The following C2CD5 variants were observed in gnomAD, a reference collection of about 807,000 sequenced individuals.
C2CD5 encodes the protein C2 calcium dependent domain containing 5.
In C2CD5, 109 loss-of-function variants were observed where a neutral mutation model predicts 130.3. The observed-to-expected ratio is 0.84, with a 90% CI of 0.72 to 0.98. The LOEUF (loss-of-function observed/expected upper bound fraction) is 0.98. Among genes scored for constraint, C2CD5 ranks in the 50% least tolerant of loss-of-function variants. The pLI is 0.00. For missense variants in C2CD5, 996 were observed against 1,261.8 expected (o/e 0.79, Z 3.19); for synonymous variants, 454 against 429.2 (o/e 1.06, Z -0.71).
At chr12:22,507,181 T>C (rs1423845542) in intron 9 of C2CD5, among the ~76,000 whole-genome samples, 15 of 144,204 alleles carry the variant, frequency 1.0e-4, no homozygotes, top group Admixed American at 4.6e-4. Flanking sequence ...TTCCCCTTTA[T>C]CTATCAGTGG....
intron 15 of C2CD5, 151 bp downstream of exon 15, chr12:22,478,162 A>G: frequency 1.5e-6 from 1 of 651,074 alleles, no homozygotes; most frequent in Non-Finnish European, 2.7e-6. Context: ...AAAAGGAGAC[A>G]GTTGAGCAAA....
At chr12:22,542,136 C>G (rs192280734) in intron 2 of C2CD5, among the ~76,000 whole-genome samples, 2 of 152,350 alleles carry the variant, frequency 1.3e-5, no homozygotes, top group East Asian at 3.9e-4. Flanking sequence ...CTTAACTGAT[C>G]TCCCTGCCAC....
chr12:22,474,711 C>T lies in C2CD5; in HGVS notation c.2043+40G>A, dbSNP rs958177277. On this transcript the variant is annotated intron_variant, in intron 16 of 26. Transcript: ENST00000446597. Reference sequence around the variant, plus strand: ...GCACGTGAAAAAATGTGTATCTTAGCTTCCAAAACCTTTAAGAAATTAGTC... The same window carrying T: ...GCACGTGAAAAAATGTGTATCTTAGTTTCCAAAACCTTTAAGAAATTAGTC... 3.3e-6 allele frequency: 5 copies of T among 1,496,818 alleles called. No individual in the cohort carries two copies. The African/African-American group carries it at 4.2e-5, about 13-fold the overall frequency. 92.7% of individuals were successfully genotyped at this position (1,496,818 alleles called of 1,614,324 possible). A position where few individuals can be genotyped will look rare whatever the true frequency, so the allele number is the denominator to read the frequency against.
In C2CD5 at chr12:22,507,250, C is replaced by A. The variant is rs79920455; in HGVS notation, c.1039-431G>T. On this transcript the variant is annotated intron_variant, in intron 9 of 26. Coordinates refer to ENST00000446597, the MANE Select transcript of C2CD5 (RefSeq NM_001286176.2). ...AAGACACTGGTAAAGACTCTAAAAA[C>A]CTGGGGCCAAGGGATCTAAATGAAA... 8.9e-3 allele frequency among the ~76,000 whole-genome samples: 1,356 copies of A among 152,180 alleles called. 14 individuals carry two copies. The highest frequency in any genetic ancestry group is 0.035 in the East Asian group (182 of 5,168).
chr12:22,466,305 A>G (rs1303260222), intron 22 of C2CD5, among the ~76,000 whole-genome samples: 1 of 120,954 alleles, frequency 8.3e-6, no homozygotes, highest in African/African-American at 5.5e-5. Context: ...TACTGAAAGT[A>G]AAAAAAAAAA....
chr12:22,534,767 G>A (rs1951665687), intron 3 of C2CD5: 1 of 153,594 alleles, frequency 6.5e-6, no homozygotes, highest in Non-Finnish European at 1.4e-5. Flanking sequence ...CAGAGTCTAG[G>A]GAGAGGAGGG....
rs996090197 is a variant in C2CD5 at position 22,527,317 on chromosome 12, C to CATAT, written c.349+400_349+403dup. ...GCATCATCTTAAGATATATTATATA[C>CATAT]ATATATATATATATTTTTTTTTTTT... is the stretch of plus-strand genomic sequence containing the variant. On this transcript the variant is annotated intron_variant, in intron 4 of 26. Coordinates refer to ENST00000446597, the MANE Select transcript of C2CD5 (RefSeq NM_001286176.2). 4.0e-3 allele frequency among the ~76,000 whole-genome samples: 523 copies of CATAT among 131,690 alleles called. 10 individuals are homozygous for CATAT. Among genetic ancestry groups the CATAT allele is most frequent in the African/African-American group, 0.015 (483 of 33,148 alleles). The allele number at this position is 131,690 out of a possible 152,430, so 86.4% of individuals were successfully genotyped here.
chr12:22,489,534 G>C (rs528178403), intron 12 of C2CD5, among the ~76,000 whole-genome samples: 1 of 151,940 alleles, frequency 6.6e-6, no homozygotes, highest in Non-Finnish European at 1.5e-5. Context: ...AAATAATCTA[G>C]AGATTATTTA....
intron 10 of C2CD5, among the ~76,000 whole-genome samples, chr12:22,499,883 C>T (rs950330533): frequency 6.6e-6 from 1 of 152,138 alleles, no homozygotes; most frequent in Non-Finnish European, 1.5e-5. Flanking sequence ...TCCCTTCTTC[C>T]TGCTCTATAA....
At chr12:22,510,977 T>C (rs772777226) in intron 9 of C2CD5, among the ~76,000 whole-genome samples, 1 of 152,056 alleles carries the variant, frequency 6.6e-6, no homozygotes, top group Non-Finnish European at 1.5e-5. Context: ...AATTAATTAA[T>C]TAAATATCTA....
At chr12:22,523,816 T>C (rs1194078707) in intron 6 of C2CD5, among the ~76,000 whole-genome samples, 192 bp from the exon 7 acceptor site, 1 of 151,208 alleles carries the variant, frequency 6.6e-6, no homozygotes. Flanking sequence ...CAATATAGCA[T>C]AATTATAAAA....
At chr12:22,463,783 T>A (rs1053128029) in intron 22 of C2CD5, 4 of 152,178 alleles carry the variant, frequency 2.6e-5, no homozygotes, top group African/African-American at 9.7e-5. Context: ...TTTGAGAAAA[T>A]CTTATCTGAA....
intron 20 of C2CD5, among the ~76,000 whole-genome samples, chr12:22,471,163 T>C (rs1232342469): frequency 1.3e-5 from 2 of 152,024 alleles, no homozygotes; most frequent in Non-Finnish European, 2.9e-5. Context: ...AAATCCCACA[T>C]GATGGGTACA....
chr12:22,506,182 T>C (rs575168685), intron 10 of C2CD5, among the ~76,000 whole-genome samples: 37 of 152,274 alleles, frequency 2.4e-4, no homozygotes, highest in African/African-American at 8.4e-4. Flanking sequence ...AGTGTTTACA[T>C]AGGTCTTGTT....
intron 2 of C2CD5, among the ~76,000 whole-genome samples, chr12:22,536,126 T>C (rs552718442): frequency 1.3e-4 from 20 of 149,688 alleles, no homozygotes; most frequent in African/African-American, 4.8e-4. Context: ...ACTGCAGATA[T>C]ATGGCATTCT....
chr12:22,458,771 C>G (rs1940496746), intron 23 of C2CD5, 186 bp from the exon 24 acceptor site: 1 of 346,496 alleles, frequency 2.9e-6, no homozygotes, highest in African/African-American at 2.1e-5. Context: ...TGTCCAAAAC[C>G]AAGTTCTCAG....
chr12:22,514,221 A>T (rs1373059249), intron 8 of C2CD5, among the ~76,000 whole-genome samples: 2 of 152,074 alleles, frequency 1.3e-5, no homozygotes, highest in African/African-American at 2.4e-5. Context: ...CCCTTTCAAA[A>T]CGTAAGATGC....
chr12:22,515,665 A>C (rs1949643812), intron 8 of C2CD5, among the ~76,000 whole-genome samples: 1 of 152,142 alleles, frequency 6.6e-6, no homozygotes, highest in Non-Finnish European at 1.5e-5. Flanking sequence ...TTAGGTAAAC[A>C]GTTGTCAGTA....
intron 7 of C2CD5, among the ~76,000 whole-genome samples, 187 bp from the exon 8 acceptor site, chr12:22,518,324 T>A (rs746029005): frequency 1.3e-5 from 2 of 152,070 alleles, no homozygotes; most frequent in Admixed American, 1.3e-4. Flanking sequence ...AGATAAATAT[T>A]ATCTGCATTG....
Sources: allele counts gnomAD v4.1 joint callset (sites outside exome capture counted in the v4.1 genomes callset), GRCh38; gene constraint gnomAD v4.1.1; transcripts MANE v1.5; gene names NCBI Gene and HGNC (gene_info 2026-07-23, HGNC 2026-07-21).